Variants in DPP10 observed in about 807,000 individuals in gnomAD.
DPP10 encodes inactive dipeptidyl peptidase 10.
A neutral mutation model predicts 120.9 loss-of-function variants in DPP10; 33 were observed. That is an observed-to-expected ratio of 0.27 (90% CI 0.21 to 0.37). The LOEUF (loss-of-function observed/expected upper bound fraction) is 0.37, where lower values mean the gene tolerates loss of function less well. Ranked by LOEUF, DPP10 falls within the 10% of genes least tolerant of loss-of-function variation. The pLI is 1.00. For missense variants in DPP10, 816 were observed against 942.8 expected (o/e 0.87, Z 1.76); for synonymous variants, 337 against 326.1 (o/e 1.03, Z -0.36).
chr2:115,394,554 AT>A (rs1404829130), intron 3 of DPP10, among the ~76,000 whole-genome samples: 1 of 152,134 alleles, frequency 6.6e-6, no homozygotes, highest in Non-Finnish European at 1.5e-5. Flanking sequence ...GATGGATAAC[AT>A]TTTTTAAAAG....
chr2:115,169,244 G>T (rs1401163298), intron 1 of DPP10, among the ~76,000 whole-genome samples: 1 of 152,104 alleles, frequency 6.6e-6, no homozygotes, highest in East Asian at 1.9e-4. Context: ...AATAATTAGA[G>T]AATCTATGTG....
chr2:115,522,705 A>G (rs2077888288), intron 4 of DPP10, among the ~76,000 whole-genome samples: 1 of 152,180 alleles, frequency 6.6e-6, no homozygotes, highest in Admixed American at 6.5e-5. Context: ...AAAACTGGAC[A>G]GGCAGGCATC....
chr2:115,736,799 G>C (rs1028076261), intron 8 of DPP10, among the ~76,000 whole-genome samples: 2 of 152,122 alleles, frequency 1.3e-5, no homozygotes, highest in Non-Finnish European at 2.9e-5. Context: ...AGAGGCTGAC[G>C]GACATGTACT....
At position 114,816,847 on chromosome 2, in the gene DPP10, C is replaced by G. The variant is rs182363997; in HGVS notation, c.60+374009C>G. Among the ~76,000 whole-genome samples, 21 of 152,270 alleles carry G rather than the reference C, an allele frequency of 1.4e-4. No homozygotes were observed. In the East Asian group the frequency reaches 3.9e-3, roughly 28 times the overall value. On this transcript the variant is annotated intron_variant, in intron 1 of 25. Coordinates refer to ENST00000410059, the MANE Select transcript of DPP10 (RefSeq NM_020868.6). ...GGGGTAGTCAGAGGCACAGGAAGATCAGAAACTCCTGCAAACTATGAGCCT... is the reference window on the plus strand; with the variant it reads ...GGGGTAGTCAGAGGCACAGGAAGATGAGAAACTCCTGCAAACTATGAGCCT...
intron 5 of DPP10, among the ~76,000 whole-genome samples, chr2:115,685,141 GTAAA>G (rs1318126755): frequency 6.6e-6 from 1 of 151,854 alleles, no homozygotes; most frequent in Admixed American, 6.6e-5. Flanking sequence ...TACTTCTTGA[GTAAA>G]TAAATCTTGA....
intron 3 of DPP10, among the ~76,000 whole-genome samples, chr2:115,493,661 C>T (rs1026164457): frequency 1.5e-4 from 23 of 152,142 alleles, no homozygotes; most frequent in African/African-American, 5.3e-4. Context: ...ATTGCAAAAC[C>T]CTACTGTTCA....
At chr2:114,855,487 T>C (rs1461531043) in intron 1 of DPP10, among the ~76,000 whole-genome samples, 1 of 152,234 alleles carries the variant, frequency 6.6e-6, no homozygotes, top group Non-Finnish European at 1.5e-5. Flanking sequence ...TTGTTCCACT[T>C]TTTAAGACTT....
intron 1 of DPP10, among the ~76,000 whole-genome samples, chr2:115,226,504 T>G (rs2057440536): frequency 6.6e-6 from 1 of 152,164 alleles, no homozygotes; most frequent in African/African-American, 2.4e-5. Flanking sequence ...ATTTTTGAAT[T>G]TAATATTTGT....
chr2:115,771,745 A>G (rs1681501162), intron 13 of DPP10, among the ~76,000 whole-genome samples: 1 of 152,170 alleles, frequency 6.6e-6, no homozygotes, highest in Non-Finnish European at 1.5e-5. Flanking sequence ...TTGGCAGCCA[A>G]CAGTCAGCCA....
chr2:114,955,773 C>A lies in DPP10; in HGVS notation c.61-353466C>A, dbSNP rs78329944. Among the ~76,000 whole-genome samples the A allele has an allele frequency of 3.5e-4, 53 of 152,062 alleles. 2 individuals are homozygous for A. The East Asian group carries it at 9.5e-3, about 27-fold the overall frequency. On this transcript the variant is annotated intron_variant, in intron 1 of 25. Transcript: ENST00000410059. ...GATCAAGTGAGATTTATGCTTGGGACGGAAAGATGGTTCAACACACAAAAA... is the reference window on the plus strand; with the variant it reads ...GATCAAGTGAGATTTATGCTTGGGAAGGAAAGATGGTTCAACACACAAAAA...
At chr2:114,907,959 TTTTTAAATATAA>T (rs765219207) in intron 1 of DPP10, among the ~76,000 whole-genome samples, 5 of 152,078 alleles carry the variant, frequency 3.3e-5, no homozygotes, top group Non-Finnish European at 5.9e-5. Context: ...TTTGTCAGTT[TTTTTAAATATAA>T]TTTTGGCTTC....
At chr2:115,815,831 A>AT in intron 21 of DPP10, 102 bp downstream of exon 21, 1 of 1,182,794 alleles carries the variant, frequency 8.5e-7, no homozygotes, top group Non-Finnish European at 1.2e-6. Context: ...GATAAGTTCC[A>AT]TATTGACTGG....
At chr2:114,951,925 T>C (rs1697817142) in intron 1 of DPP10, among the ~76,000 whole-genome samples, 1 of 152,014 alleles carries the variant, frequency 6.6e-6, no homozygotes, top group African/African-American at 2.4e-5. Flanking sequence ...ATCTTGTGAA[T>C]AAATTAATAT....
At chr2:114,972,798 A>G (rs931580425) in intron 1 of DPP10, among the ~76,000 whole-genome samples, 9 of 152,332 alleles carry the variant, frequency 5.9e-5, no homozygotes, top group African/African-American at 2.2e-4. Flanking sequence ...AGTGACTGCG[A>G]CTGGGGAAAT....
chr2:114,961,343 T>C (rs1298085785), intron 1 of DPP10, among the ~76,000 whole-genome samples: 3 of 152,104 alleles, frequency 2.0e-5, no homozygotes, highest in Non-Finnish European at 4.4e-5. Flanking sequence ...CATGAGCCAC[T>C]GCGCCTGGCC....
intron 1 of DPP10, among the ~76,000 whole-genome samples, chr2:115,067,353 G>T (rs942428186): frequency 6.6e-6 from 1 of 151,626 alleles, no homozygotes; most frequent in Non-Finnish European, 1.5e-5. Flanking sequence ...CCGGGTTCCC[G>T]CCATTCTCCT....
intron 1 of DPP10, among the ~76,000 whole-genome samples, chr2:114,508,329 C>A (rs1028934487): frequency 2.0e-5 from 3 of 152,164 alleles, no homozygotes; most frequent in Non-Finnish European, 4.4e-5. Flanking sequence ...TTCTAGAATT[C>A]CATATACATG....
intron 1 of DPP10, among the ~76,000 whole-genome samples, chr2:115,228,868 A>T (rs2057584179): frequency 6.6e-6 from 1 of 151,992 alleles, no homozygotes. Context: ...TGATACACTG[A>T]TTTCCTTTCT....
intron 1 of DPP10, among the ~76,000 whole-genome samples, chr2:114,766,484 G>C (rs867209550): frequency 6.6e-6 from 1 of 152,016 alleles, no homozygotes; most frequent in African/African-American, 2.4e-5. Context: ...ACAAAAACCT[G>C]CCTCCTAACA....
Sources: allele counts gnomAD v4.1 joint callset (sites outside exome capture counted in the v4.1 genomes callset), GRCh38; gene constraint gnomAD v4.1.1; transcripts MANE v1.5; gene names NCBI Gene and HGNC (gene_info 2026-07-23, HGNC 2026-07-21).